Variants in MYOM1 observed in about 807,000 individuals in gnomAD.
The protein encoded by MYOM1 is myomesin 1.
In MYOM1, 164 loss-of-function variants were observed where a neutral mutation model predicts 205.3. The observed-to-expected ratio is 0.80, with a 90% CI of 0.70 to 0.91. MYOM1 has a LOEUF of 0.91. MYOM1 is among the 40% of genes least tolerant of loss of function. The pLI is 0.00. For synonymous variants in MYOM1, 772 were observed against 789.4 expected (o/e 0.98, Z 0.37); for missense variants, 2,011 against 2,127.3 (o/e 0.95, Z 1.08).
chr18:3,150,840 G>A (rs940771480), intron 12 of MYOM1, among the ~76,000 whole-genome samples: 1 of 151,866 alleles, frequency 6.6e-6, no homozygotes, highest in African/African-American at 2.4e-5. Context: ...ATTGAGACAG[G>A]GTCTTGCTCT....
At chr18:3,130,684 G>A (rs1314783873) in intron 17 of MYOM1, among the ~76,000 whole-genome samples, 1 of 151,962 alleles carries the variant, frequency 6.6e-6, no homozygotes, top group Non-Finnish European at 1.5e-5. Flanking sequence ...TCAAACTCCT[G>A]GACTCAAGCA....
the MYOM1 span, among the ~76,000 whole-genome samples, chr18:3,231,883 T>A: frequency 6.8e-6 from 1 of 147,514 alleles, no homozygotes; most frequent in Non-Finnish European, 1.5e-5. Context: ...AATTGGACTG[T>A]CCCTGTTCCT....
upstream of MYOM1, among the ~76,000 whole-genome samples, chr18:3,222,054 A>G (rs1202362733): frequency 6.6e-6 from 1 of 152,242 alleles, no homozygotes; most frequent in Non-Finnish European, 1.5e-5. Context: ...TGCTTTTTAA[A>G]AAGTGTTTTA....
At position 3,196,917 on chromosome 18, in the gene MYOM1, G is replaced by A. The variant is rs147597241; in HGVS notation, c.291-2959C>T. On this transcript the variant is annotated intron_variant, in intron 2 of 37. Transcript: ENST00000356443. Reference sequence around the variant, plus strand: ...CTTGTTCAACTTCGTAACAGGAAAAGCAAGAACAAAACCATTTATAGAATC... The same window carrying A: ...CTTGTTCAACTTCGTAACAGGAAAAACAAGAACAAAACCATTTATAGAATC... 6.3e-3 allele frequency among the ~76,000 whole-genome samples: 957 copies of A among 152,248 alleles called. 5 individuals are homozygous for A. The highest frequency in any genetic ancestry group is 0.01 in the Non-Finnish European group (695 of 68,014).
At chr18:3,242,496 C>T in the MYOM1 span, among the ~76,000 whole-genome samples, 2 of 152,086 alleles carry the variant, frequency 1.3e-5, no homozygotes, top group African/African-American at 4.8e-5. Context: ...TGTAAATTAC[C>T]CAGTCTCAGG....
In MYOM1 at chr18:3,089,219, C is replaced by G; in HGVS notation, c.4092G>C (p.Leu1364Phe). 6.2e-7 allele frequency: 1 copy of G among 1,611,726 alleles called. No individual in the cohort carries two copies. The highest frequency in any genetic ancestry group is 8.5e-7 in the Non-Finnish European group (1 of 1,178,458). ...TACATTCACCAGTCACTTCCCAGCT[C>G]AAATACTCAACAAAGTGAGGACCTA... ...RKQGPHFVEYLSWEVTGECNV... is the reference protein window; with the variant it reads ...RKQGPHFVEYFSWEVTGECNV... The change falls in exon 29 of 38, where the codon TTG becomes TTC. Residue 1364 changes from leucine to phenylalanine, a missense_variant. Coordinates refer to ENST00000356443, the MANE Select transcript of MYOM1 (RefSeq NM_003803.4).
At chr18:3,081,730 T>C (rs1191513630) in intron 33 of MYOM1, among the ~76,000 whole-genome samples, 1 of 152,236 alleles carries the variant, frequency 6.6e-6, no homozygotes, top group Admixed American at 6.5e-5. Flanking sequence ...AAATGTATTC[T>C]GAAAGAAACA....
intron 2 of MYOM1, among the ~76,000 whole-genome samples, chr18:3,203,605 T>TC (rs1197301336): frequency 6.6e-6 from 1 of 151,854 alleles, no homozygotes; most frequent in East Asian, 1.9e-4. Context: ...TCTGAAGAGA[T>TC]CAATAACAAG....
At chr18:3,236,207 G>A in the MYOM1 span, among the ~76,000 whole-genome samples, 1 of 152,166 alleles carries the variant, frequency 6.6e-6, no homozygotes, top group Non-Finnish European at 1.5e-5. Context: ...ACAATGATGT[G>A]CTCTAGTTTA....
At chr18:3,114,991 C>T (rs77703737) in intron 21 of MYOM1, among the ~76,000 whole-genome samples, 1,906 of 151,214 alleles carry the variant, frequency 0.013, 30 homozygotes, top group African/African-American at 0.044. Flanking sequence ...ACCTTTGTTT[C>T]GCTTCACCCT....
At chr18:3,134,499 C>CTGAGTAGCT in intron 16 of MYOM1, 151 bp downstream of exon 16, 2 of 802,334 alleles carry the variant, frequency 2.5e-6, no homozygotes, top group East Asian at 2.9e-5. Context: ...CCTCAGCCTC[C>CTGAGTAGCT]GAAAGTGCTA....
chr18:3,125,427 A>G (rs2079764627), intron 19 of MYOM1, among the ~76,000 whole-genome samples: 1 of 152,230 alleles, frequency 6.6e-6, no homozygotes, highest in African/African-American at 2.4e-5. Flanking sequence ...AGAATGAGTT[A>G]TAGCCACATG....
At chr18:3,076,435 A>G (rs2143647696) in intron 34 of MYOM1, among the ~76,000 whole-genome samples, 1 of 152,286 alleles carries the variant, frequency 6.6e-6, no homozygotes, top group African/African-American at 2.4e-5. Context: ...AAAAAGGAAA[A>G]CAAAAACTTT....
the MYOM1 span, among the ~76,000 whole-genome samples, chr18:3,241,675 A>T: frequency 6.6e-6 from 1 of 152,206 alleles, no homozygotes; most frequent in Non-Finnish European, 1.5e-5. Context: ...TGAGAAGAGG[A>T]CCACTGTCCT....
At chr18:3,153,156 C>T (rs1365143562) in intron 11 of MYOM1, among the ~76,000 whole-genome samples, 1 of 152,206 alleles carries the variant, frequency 6.6e-6, no homozygotes, top group Non-Finnish European at 1.5e-5. Context: ...CTAGAGCATC[C>T]TTCCTAACCT....
chr18:3,090,560 A>G (rs1433852391), intron 27 of MYOM1, 98 bp downstream of exon 27: 3 of 1,483,040 alleles, frequency 2.0e-6, no homozygotes, highest in Non-Finnish European at 2.8e-6. Context: ...TTAAGAAAAA[A>G]TTCCTACTAC....
At chr18:3,094,376 A>AT in intron 25 of MYOM1, 70 bp from the exon 26 acceptor site, 1 of 1,153,162 alleles carries the variant, frequency 8.7e-7, no homozygotes, top group Non-Finnish European at 1.1e-6. Context: ...TTTTCCATCA[A>AT]GTGAAAAAAA....
chr18:3,087,448 A>G (rs370752233), intron 29 of MYOM1, among the ~76,000 whole-genome samples: 9 of 148,182 alleles, frequency 6.1e-5, no homozygotes, highest in African/African-American at 2.2e-4. Flanking sequence ...CCTGAGGGAG[A>G]GGAAGGTCCC....
intron 25 of MYOM1, among the ~76,000 whole-genome samples, 175 bp from the exon 26 acceptor site, chr18:3,094,481 CAG>C (rs1043298949): frequency 2.0e-5 from 3 of 151,790 alleles, no homozygotes; most frequent in African/African-American, 7.3e-5. Context: ...AGATTAAAGA[CAG>C]AGGGACTCAG....
Sources: gnomAD v4.1 joint callset for allele counts (sites outside exome capture counted in the v4.1 genomes callset) on GRCh38, gnomAD v4.1.1 for gene constraint, MANE v1.5 for transcripts, NCBI Gene and HGNC (gene_info 2026-07-23, HGNC 2026-07-21) for gene names.